Variants in ARHGAP12 observed in about 807,000 individuals in gnomAD.
ARHGAP12 encodes the protein rho GTPase-activating protein 12.
ARHGAP12 carries 64 observed loss-of-function variants against 108.6 expected under a neutral mutation model. The ratio of observed to expected loss-of-function variants is 0.59; its 90% CI spans 0.48 to 0.73. The LOEUF (loss-of-function observed/expected upper bound fraction) is 0.73. Among genes scored for constraint, ARHGAP12 ranks in the 30% least tolerant of loss-of-function variants. The probability of loss-of-function intolerance (pLI) is 0.00; values close to 1 mark genes in which losing one functional copy is unlikely to be tolerated. For synonymous variants in ARHGAP12, 312 were observed against 337.2 expected (o/e 0.93, Z 0.82); for missense variants, 940 against 1,005.9 (o/e 0.93, Z 0.89).
chr10:31,812,400 G>C lies in ARHGAP12; in HGVS notation c.1951+307C>G, dbSNP rs187793600. ...AAATTTCTTATTTATTGTGATCTTT[G>C]CATCTCAAAACTAAACTTTTCATTG... On this transcript the variant is annotated intron_variant, in intron 15 of 19. Transcript: ENST00000344936. Among the ~76,000 whole-genome samples, 365 of 151,912 alleles carry C rather than the reference G, an allele frequency of 2.4e-3. 2 individuals are homozygous for C. Among genetic ancestry groups the C allele is most frequent in the African/African-American group, 8.4e-3 (348 of 41,434 alleles).
intron 3 of ARHGAP12, among the ~76,000 whole-genome samples, chr10:31,873,308 TTATC>T (rs1422339746): frequency 2.0e-5 from 3 of 152,228 alleles, no homozygotes; most frequent in Non-Finnish European, 4.4e-5. Context: ...CAGAAATACT[TTATC>T]TATATTTCGA....
intron 3 of ARHGAP12, among the ~76,000 whole-genome samples, chr10:31,885,539 C>T (rs993595294): frequency 6.6e-6 from 1 of 152,160 alleles, no homozygotes; most frequent in East Asian, 1.9e-4. Flanking sequence ...AGACAAATGG[C>T]CAGGCATGGT....
chr10:31,826,430 T>C (rs765656315), intron 10 of ARHGAP12, 45 bp from the exon 11 acceptor site: 1 of 1,537,908 alleles, frequency 6.5e-7, no homozygotes, highest in Non-Finnish European at 8.9e-7. Context: ...TCTCGAGTTC[T>C]TTCAGCCAAA....
At chr10:31,891,410 C>T (rs1838424100) in intron 3 of ARHGAP12, among the ~76,000 whole-genome samples, 1 of 152,172 alleles carries the variant, frequency 6.6e-6, no homozygotes, top group African/African-American at 2.4e-5. Context: ...ATATTGGCTC[C>T]CACTCTCTTC....
intron 15 of ARHGAP12, among the ~76,000 whole-genome samples, chr10:31,811,631 T>C (rs563770070): frequency 6.6e-6 from 1 of 151,706 alleles, no homozygotes; most frequent in Admixed American, 6.6e-5. Flanking sequence ...TTTGAATTAA[T>C]CAGCTAGTCT....
At chr10:31,867,286 A>G (rs1837364294) in intron 3 of ARHGAP12, among the ~76,000 whole-genome samples, 1 of 152,074 alleles carries the variant, frequency 6.6e-6, no homozygotes, top group Non-Finnish European at 1.5e-5. Flanking sequence ...TGTATGAGAA[A>G]AGAATAGACG....
intron 3 of ARHGAP12, among the ~76,000 whole-genome samples, chr10:31,871,953 C>T (rs1312049851): frequency 6.6e-6 from 1 of 152,210 alleles, no homozygotes; most frequent in Non-Finnish European, 1.5e-5. Context: ...CCTTTTCTTT[C>T]ATGCCCTCAC....
chr10:31,828,835 T>G (rs979846110), intron 10 of ARHGAP12, among the ~76,000 whole-genome samples: 1 of 152,042 alleles, frequency 6.6e-6, no homozygotes, highest in South Asian at 2.1e-4. Flanking sequence ...ATAATATTAT[T>G]TATAGACAAC....
At chr10:31,813,913 A>G (rs1490440668) in intron 14 of ARHGAP12, among the ~76,000 whole-genome samples, 2 of 152,238 alleles carry the variant, frequency 1.3e-5, no homozygotes, top group East Asian at 1.9e-4. Flanking sequence ...CTTAAAAAGT[A>G]TAAGATTCTA....
chr10:31,873,791 A>G (rs1398991559), intron 3 of ARHGAP12, among the ~76,000 whole-genome samples: 1 of 152,154 alleles, frequency 6.6e-6, no homozygotes, highest in African/African-American at 2.4e-5. Context: ...TATTGATGAA[A>G]CCTCATTATT....
chr10:31,927,091 G>T (rs1034500346), intron 1 of ARHGAP12, among the ~76,000 whole-genome samples: 2 of 152,130 alleles, frequency 1.3e-5, no homozygotes, highest in African/African-American at 4.8e-5. Flanking sequence ...AACACTTTTA[G>T]AACAGTGGAG....
Position 31,908,408 on chromosome 10 carries a change from G to T in ARHGAP12, c.448C>A (p.Leu150Met). ...TTTCCGTTATTATGGGTCAGGTCCA[G>T]GCTTAGGTTGACAGTCTGACCTTGA... ...YNQGQTVNLS[L>M]DLTHNNGKFN... The change falls in exon 3 of 20, where the codon CTG becomes ATG. Residue 150 changes from leucine to methionine, a missense_variant. Leu to Met is a conservative substitution (Grantham distance 15, BLOSUM62 2). Transcript: ENST00000344936. The T allele has an allele frequency of 1.2e-6, 2 of 1,614,182 alleles. No individual in the cohort carries two copies. Among genetic ancestry groups the T allele is most frequent in the Non-Finnish European group, 1.7e-6 (2 of 1,180,028 alleles).
chr10:31,915,611 T>C (rs907696554), intron 1 of ARHGAP12, among the ~76,000 whole-genome samples: 1 of 152,184 alleles, frequency 6.6e-6, no homozygotes, highest in Non-Finnish European at 1.5e-5. Flanking sequence ...ACTAAAATGA[T>C]AACTATGTGA....
At chr10:31,862,167 T>C (rs1312522698) in intron 3 of ARHGAP12, among the ~76,000 whole-genome samples, 1 of 152,200 alleles carries the variant, frequency 6.6e-6, no homozygotes, top group Admixed American at 6.5e-5. Context: ...AGCTCTAACA[T>C]TAAATCAGGA....
Position 31,854,159 on chromosome 10 carries a change from T to C in ARHGAP12, c.996A>G (p.Ser332=), listed in dbSNP as rs757668777. The C allele has an allele frequency of 3.1e-6, 5 of 1,613,642 alleles. No individual in the cohort carries two copies. The highest frequency in any genetic ancestry group is 3.3e-5 in the Admixed American group (2 of 59,972). Residue 332 remains serine (S), a synonymous_variant, in exon 5 of 20, where the codon TCA becomes TCG. Coordinates refer to ENST00000344936, the MANE Select transcript of ARHGAP12 (RefSeq NM_018287.7). ...TTGGAGGAGAACCACACTGACTATC[T>C]GACTGGCTGTAAGAAGTGCTGTAGT... is the stretch of plus-strand genomic sequence containing the variant. The part of the protein sequence containing the change: ...ENYYSTSYSQ[S]DSQCGSPPRG...
At chr10:31,926,696 A>C (rs1840062158) in intron 1 of ARHGAP12, among the ~76,000 whole-genome samples, 1 of 152,228 alleles carries the variant, frequency 6.6e-6, no homozygotes, top group Admixed American at 6.5e-5. Context: ...TACGTAGAGT[A>C]CTTAAAAATT....
chr10:31,867,017 A>C (rs562961481), intron 3 of ARHGAP12, among the ~76,000 whole-genome samples: 1 of 152,360 alleles, frequency 6.6e-6, no homozygotes, highest in African/African-American at 2.4e-5. Context: ...CTAGAGACTT[A>C]ACAGTAATTC....
intron 3 of ARHGAP12, 107 bp from the exon 4 acceptor site, chr10:31,861,765 T>C (rs763986010): frequency 1.2e-4 from 124 of 995,330 alleles, no homozygotes; most frequent in Non-Finnish European, 1.7e-4. Flanking sequence ...TTTTAAAACA[T>C]ATATACAGGT....
intron 4 of ARHGAP12, among the ~76,000 whole-genome samples, chr10:31,858,980 C>T (rs1837005664): frequency 6.9e-6 from 1 of 144,036 alleles, no homozygotes; most frequent in African/African-American, 2.5e-5. Flanking sequence ...TATCAGGTAT[C>T]TGTGAAACTG....
Sources: gnomAD v4.1 joint callset for allele counts (sites outside exome capture counted in the v4.1 genomes callset) on GRCh38, gnomAD v4.1.1 for gene constraint, MANE v1.5 for transcripts, NCBI Gene and HGNC (gene_info 2026-07-23, HGNC 2026-07-21) for gene names.